SLC9C1: variants seen among roughly 807,000 people sequenced by gnomAD.
The protein encoded by SLC9C1 is sodium/hydrogen exchanger 10.
SLC9C1 carries 97 observed loss-of-function variants against 140.9 expected under a neutral mutation model. That is an observed-to-expected ratio of 0.69 (90% confidence interval 0.58 to 0.82). The LOEUF (loss-of-function observed/expected upper bound fraction) is 0.82. SLC9C1 is among the 40% of genes least tolerant of loss of function. The pLI is 0.00. For missense variants in SLC9C1, 1,340 were observed against 1,389.3 expected (o/e 0.96, Z 0.56); for synonymous variants, 440 against 442.6 (o/e 0.99, Z 0.07).
chr3:112,166,777 A>C (rs948804177), intron 26 of SLC9C1, among the ~76,000 whole-genome samples: 1 of 152,080 alleles, frequency 6.6e-6, no homozygotes, highest in Admixed American at 6.5e-5. Flanking sequence ...CCATGGTCTT[A>C]ATAGTAGTGA....
In SLC9C1 at chr3:112,238,719, C is replaced by G. The variant is rs191266297; in HGVS notation, c.1446+1121G>C. Among the ~76,000 whole-genome samples the G allele has an allele frequency of 9.7e-3, 1,477 of 152,280 alleles. 10 individuals are homozygous for G. Among genetic ancestry groups the G allele is most frequent in the Non-Finnish European group, 0.017 (1,125 of 68,014 alleles). On this transcript the variant is annotated intron_variant, in intron 12 of 28. Coordinates refer to ENST00000305815, the MANE Select transcript of SLC9C1 (RefSeq NM_183061.3). ...AAGTCTGCTGGAGTTTGCTGGAGGTCCACTCCAGACCCTGTTTGCCTGGGT... is the reference window on the plus strand; with the variant it reads ...AAGTCTGCTGGAGTTTGCTGGAGGTGCACTCCAGACCCTGTTTGCCTGGGT...
intron 10 of SLC9C1, among the ~76,000 whole-genome samples, chr3:112,247,026 A>G (rs1040287263): frequency 6.6e-6 from 1 of 152,180 alleles, no homozygotes; most frequent in Non-Finnish European, 1.5e-5. Flanking sequence ...TGTTTTTAAA[A>G]TGAAAACATC....
intron 23 of SLC9C1, among the ~76,000 whole-genome samples, chr3:112,177,581 A>T (rs2077363294): frequency 6.7e-6 from 1 of 150,164 alleles, no homozygotes; most frequent in African/African-American, 2.5e-5. Flanking sequence ...AAATGGTCCT[A>T]AGCAGAGGAT....
chr3:112,160,406 G>A (rs2075260192), intron 26 of SLC9C1, among the ~76,000 whole-genome samples: 1 of 149,072 alleles, frequency 6.7e-6, no homozygotes, highest in African/African-American at 2.5e-5. Context: ...ATCTCCCAAT[G>A]CTATCCCTTC....
chr3:112,182,543 A>G (rs1027853126), intron 20 of SLC9C1, among the ~76,000 whole-genome samples: 3 of 152,158 alleles, frequency 2.0e-5, no homozygotes, highest in African/African-American at 7.2e-5. Flanking sequence ...TACCCAGGTA[A>G]TAAGTATGGT....
intron 23 of SLC9C1, among the ~76,000 whole-genome samples, chr3:112,174,315 G>C (rs1443450774): frequency 6.6e-6 from 1 of 152,176 alleles, no homozygotes; most frequent in African/African-American, 2.4e-5. Flanking sequence ...TGTGTGTACT[G>C]TTGTCATGAC....
chr3:112,192,592 C>T (rs1279700616), intron 20 of SLC9C1, among the ~76,000 whole-genome samples: 1 of 151,796 alleles, frequency 6.6e-6, no homozygotes, highest in Admixed American at 6.6e-5. Flanking sequence ...TGAGTTATTT[C>T]AGAAGACTTG....
chr3:112,260,481 A>C (rs1425419498), intron 10 of SLC9C1, among the ~76,000 whole-genome samples: 3 of 151,982 alleles, frequency 2.0e-5, no homozygotes, highest in Non-Finnish European at 2.9e-5. Context: ...CTGCTTCTTC[A>C]CATGCATAGT....
At chr3:112,225,647 C>A (rs1210865108) in intron 13 of SLC9C1, among the ~76,000 whole-genome samples, 1 of 151,844 alleles carries the variant, frequency 6.6e-6, no homozygotes, top group East Asian at 1.9e-4. Flanking sequence ...AATATAAGAC[C>A]CAACTACACA....
At position 112,240,014 on chromosome 3, in the gene SLC9C1, A is replaced by G. The variant is rs763886136; in HGVS notation, c.1280-8T>C. 5.0e-6 allele frequency: 8 copies of G among 1,604,232 alleles called. No homozygotes were observed. In the Admixed American group the frequency reaches 8.5e-5, roughly 17 times the overall value. On this transcript the variant is annotated splice_polypyrimidine_tract_variant and splice_region_variant and intron_variant, in intron 11 of 28. Coordinates refer to ENST00000305815, the MANE Select transcript of SLC9C1 (RefSeq NM_183061.3). ...ATGTGGCATCACGAAGACCTTTGAT[A>G]CAAACACACATTTGATAAATAGTAG... is the stretch of plus-strand genomic sequence containing the variant.
intron 20 of SLC9C1, among the ~76,000 whole-genome samples, chr3:112,197,480 C>G (rs2077796358): frequency 6.6e-6 from 1 of 152,122 alleles, no homozygotes; most frequent in East Asian, 1.9e-4. Context: ...TTGTAAGTTG[C>G]TCCAAGGACA....
chr3:112,161,433 G>A (rs922456602), intron 26 of SLC9C1, among the ~76,000 whole-genome samples: 1 of 152,192 alleles, frequency 6.6e-6, no homozygotes, highest in Admixed American at 6.5e-5. Context: ...AATCCATTGT[G>A]AATTGATTTT....
chr3:112,194,093 G>A (rs903359480), intron 20 of SLC9C1, among the ~76,000 whole-genome samples: 15 of 152,104 alleles, frequency 9.9e-5, no homozygotes, highest in African/African-American at 3.4e-4. Context: ...CACAGTAGAT[G>A]GGTAGGGAGT....
At chr3:112,221,094 T>C in intron 14 of SLC9C1, 34 bp downstream of exon 14, 1 of 1,568,614 alleles carries the variant, frequency 6.4e-7, no homozygotes, top group Non-Finnish European at 8.8e-7. Context: ...TGCTGTGGCT[T>C]AGAATAGAAG....
At chr3:112,264,688 A>G (rs548311224) in intron 8 of SLC9C1, among the ~76,000 whole-genome samples, 1 of 152,128 alleles carries the variant, frequency 6.6e-6, no homozygotes, top group Admixed American at 6.5e-5. Context: ...TTCTATGTTA[A>G]AGAGTTAACA....
rs2075372306 is a variant in SLC9C1, at chr3:112,163,592, T to C, written c.3364+3629A>G. ...TATAGTTGAGCGGTTTTGAGTGAGA[T>C]TCTTAATCCTGAGTTCTAGTTTGAT... is the stretch of plus-strand genomic sequence containing the variant. On this transcript the variant is annotated intron_variant, in intron 26 of 28. Coordinates refer to ENST00000305815, the MANE Select transcript of SLC9C1 (RefSeq NM_183061.3). Among the ~76,000 whole-genome samples, 11 of 152,208 alleles carry C rather than the reference T, an allele frequency of 7.2e-5. No individual in the cohort carries two copies. In the South Asian group the frequency reaches 2.1e-3, roughly 29 times the overall value.
intron 15 of SLC9C1, among the ~76,000 whole-genome samples, chr3:112,216,719 G>A (rs534259546): frequency 3.3e-5 from 5 of 152,312 alleles, no homozygotes; most frequent in African/African-American, 1.2e-4. Flanking sequence ...GTGCTGGAGA[G>A]GATGTGGAGA....
chr3:112,213,179 C>A (rs998800387), intron 15 of SLC9C1, among the ~76,000 whole-genome samples: 1 of 152,158 alleles, frequency 6.6e-6, no homozygotes, highest in African/African-American at 2.4e-5. Flanking sequence ...CACCACCAGG[C>A]CTGCCCTACA....
At chr3:112,212,383 AG>A (rs1219203620) in intron 15 of SLC9C1, among the ~76,000 whole-genome samples, 31 of 152,240 alleles carry the variant, frequency 2.0e-4, no homozygotes, top group African/African-American at 7.5e-4. Context: ...TGAGAGAAGA[AG>A]GTTTCAGATG....
Sources: allele counts gnomAD v4.1 joint callset (sites outside exome capture counted in the v4.1 genomes callset), GRCh38; gene constraint gnomAD v4.1.1; transcripts MANE v1.5; gene names NCBI Gene and HGNC (gene_info 2026-07-23, HGNC 2026-07-21).